Variants in NEK10 observed in about 807,000 individuals in gnomAD.
The protein encoded by NEK10 is serine/threonine-protein kinase Nek10.
NEK10 carries 122 observed loss-of-function variants against 159.8 expected under a neutral mutation model. That is an observed-to-expected ratio of 0.76 (90% CI 0.66 to 0.89). The LOEUF is 0.89. NEK10 is among the 40% of genes least tolerant of loss of function. The pLI is 0.00. For synonymous variants in NEK10, 466 were observed against 457.1 expected (o/e 1.02, Z -0.25); for missense variants, 1,342 against 1,323.1 (o/e 1.01, Z -0.22).
intron 35 of NEK10, among the ~76,000 whole-genome samples, chr3:27,113,639 T>A (rs1451926136): frequency 6.6e-6 from 1 of 152,144 alleles, no homozygotes; most frequent in East Asian, 1.9e-4. Context: ...TTGCCTTTGT[T>A]ATAAGGCATC....
chr3:27,209,699 G>A (rs948419055), intron 23 of NEK10, among the ~76,000 whole-genome samples: 5 of 152,170 alleles, frequency 3.3e-5, no homozygotes, highest in African/African-American at 7.2e-5. Context: ...GGTGGGCCAC[G>A]ACTGGTTTCT....
rs561200182 is a variant in NEK10, at chr3:27,247,733, C to T, written c.2090+8563G>A. Among the ~76,000 whole-genome samples, 23 of 151,832 alleles carry T rather than the reference C, an allele frequency of 1.5e-4. No homozygotes were observed. In the East Asian group the frequency reaches 2.1e-3, roughly 14 times the overall value. Reference sequence around the variant, plus strand: ...TGCATTGTTAGTAGAGACAGGGTTTCGCCATGTTGCCCAGGCTGGTCTTAA... The same window carrying T: ...TGCATTGTTAGTAGAGACAGGGTTTTGCCATGTTGCCCAGGCTGGTCTTAA... On this transcript the variant is annotated intron_variant, in intron 23 of 35. Coordinates refer to ENST00000691995, the MANE Select transcript of NEK10 (RefSeq NM_001394966.1).
chr3:27,327,877 A>G (rs2046118666), intron 5 of NEK10, among the ~76,000 whole-genome samples: 1 of 152,114 alleles, frequency 6.6e-6, no homozygotes, highest in Non-Finnish European at 1.5e-5. Flanking sequence ...AATTCATAAG[A>G]CAGAGTCCAA....
chr3:27,206,531 T>C (rs34028315), intron 23 of NEK10: 229,393 of 939,054 alleles, frequency 0.24, 28,971 homozygotes, highest in Middle Eastern at 0.39. Context: ...CTTCAGTGGC[T>C]TCCTCCTTCA....
intron 23 of NEK10, among the ~76,000 whole-genome samples, chr3:27,250,289 C>T (rs1011329696): frequency 1.3e-5 from 2 of 151,946 alleles, no homozygotes; most frequent in African/African-American, 4.8e-5. Flanking sequence ...CAGGTTCACG[C>T]CATTCTCCTG....
At chr3:27,192,293 CCA>C in intron 25 of NEK10, 51 bp from the exon 26 acceptor site, 1 of 1,388,682 alleles carries the variant, frequency 7.2e-7, no homozygotes, top group South Asian at 1.2e-5. Flanking sequence ...TGGGAGCAGG[CCA>C]CAGAGTGTAA....
intron 6 of NEK10, among the ~76,000 whole-genome samples, chr3:27,320,805 T>C (rs1474801703): frequency 6.6e-6 from 1 of 152,202 alleles, no homozygotes; most frequent in Non-Finnish European, 1.5e-5. Flanking sequence ...TGGAAAGATG[T>C]GTAGTGCCCA....
intron 5 of NEK10, among the ~76,000 whole-genome samples, chr3:27,328,672 G>C (rs762157318): frequency 1.3e-5 from 2 of 152,182 alleles, no homozygotes; most frequent in Non-Finnish European, 2.9e-5. Flanking sequence ...GAAGTCACTG[G>C]AAGGCTCTGG....
At chr3:27,305,387 G>T (rs533386171) in intron 11 of NEK10, among the ~76,000 whole-genome samples, 2 of 152,262 alleles carry the variant, frequency 1.3e-5, no homozygotes, top group South Asian at 4.1e-4. Context: ...GGCAGGGCGT[G>T]GTGGTGTGTG....
intron 23 of NEK10, among the ~76,000 whole-genome samples, chr3:27,222,581 T>C (rs1444542879): frequency 2.0e-5 from 3 of 152,182 alleles, no homozygotes; most frequent in Non-Finnish European, 4.4e-5. Flanking sequence ...GATATGTATA[T>C]ACATTTTTTC....
intron 26 of NEK10, 116 bp from the exon 27 acceptor site, chr3:27,174,949 C>CGTCTTCTGCATCAA: frequency 1.2e-6 from 1 of 821,726 alleles, no homozygotes; most frequent in Non-Finnish European, 1.9e-6. Context: ...ATGTTTGATG[C>CGTCTTCTGCATCAA]AGAAGACGCA....
At chr3:27,238,646 A>T (rs1289075327) in intron 23 of NEK10, among the ~76,000 whole-genome samples, 3 of 151,688 alleles carry the variant, frequency 2.0e-5, no homozygotes, top group Non-Finnish European at 2.9e-5. Context: ...TGCCATTGGT[A>T]ACCTATTTTT....
chr3:27,249,566 G>T (rs1248647207), intron 23 of NEK10, among the ~76,000 whole-genome samples: 1 of 151,856 alleles, frequency 6.6e-6, no homozygotes, highest in African/African-American at 2.4e-5. Context: ...GCTTCCATTG[G>T]CATGGAATAT....
At chr3:27,327,161 T>C (rs1250374874) in intron 5 of NEK10, among the ~76,000 whole-genome samples, 1 of 152,190 alleles carries the variant, frequency 6.6e-6, no homozygotes, top group Non-Finnish European at 1.5e-5. Context: ...TCCAGTGCTC[T>C]TGCCATCCCT....
In NEK10 at chr3:27,322,169, C is replaced by T; in HGVS notation, c.447+8G>A. ...AGTAAAAAAAAAAATTGTATTTTTC[C>T]AACCAACCTGATAACATGGATCCCT... On this transcript the variant is annotated splice_region_variant and intron_variant, in intron 6 of 35. Coordinates refer to ENST00000691995, the MANE Select transcript of NEK10 (RefSeq NM_001394966.1). The T allele has an allele frequency of 6.8e-7, 1 of 1,480,068 alleles. No individual in the cohort carries two copies. The highest frequency in any genetic ancestry group is 1.3e-5 in the South Asian group (1 of 78,096). The allele number at this position is 1,480,068 out of a possible 1,614,324, so 91.7% of individuals were successfully genotyped here.
rs575224053 is a variant in NEK10 at position 27,341,149 on chromosome 3, T to G, written c.362+3123A>C. Among the ~76,000 whole-genome samples the G allele has an allele frequency of 5.3e-5, 8 of 152,130 alleles. No individual in the cohort carries two copies. The South Asian group carries it at 1.7e-3, about 32-fold the overall frequency. On this transcript the variant is annotated intron_variant, in intron 5 of 35. Transcript: ENST00000691995. ...CTCATACATGGGAGCTTAAAAAAAG[T>G]CAGTCTCATAAAGATAGAGAGTAGA...
chr3:27,268,621 G>A (rs942672106), intron 22 of NEK10, among the ~76,000 whole-genome samples: 1 of 152,154 alleles, frequency 6.6e-6, no homozygotes, highest in Non-Finnish European at 1.5e-5. Context: ...CTACTGCTTA[G>A]TAAAAAATTC....
At chr3:27,225,162 A>G (rs1952498231) in intron 23 of NEK10, among the ~76,000 whole-genome samples, 1 of 152,234 alleles carries the variant, frequency 6.6e-6, no homozygotes, top group Non-Finnish European at 1.5e-5. Flanking sequence ...GGAAGCATCC[A>G]GCATGGGAGA....
At chr3:27,226,028 C>T (rs773597969) in intron 23 of NEK10, among the ~76,000 whole-genome samples, 13 of 151,878 alleles carry the variant, frequency 8.6e-5, no homozygotes, top group Non-Finnish European at 1.3e-4. Flanking sequence ...AAATAAAATA[C>T]GGTTACAATA....
Sources: gnomAD v4.1 joint callset for allele counts (sites outside exome capture counted in the v4.1 genomes callset) on GRCh38, gnomAD v4.1.1 for gene constraint, MANE v1.5 for transcripts, NCBI Gene and HGNC (gene_info 2026-07-23, HGNC 2026-07-21) for gene names.